Variants in TRABD observed in about 807,000 individuals in gnomAD.
The protein encoded by TRABD is traB domain-containing protein.
TRABD carries 23 observed loss-of-function variants against 39.6 expected under a neutral mutation model. The ratio of observed to expected loss-of-function variants is 0.58; its 90% CI spans 0.42 to 0.82. The LOEUF is 0.82. Among genes scored for constraint, TRABD ranks in the 40% least tolerant of loss-of-function variants. The probability of loss-of-function intolerance (pLI) is 0.00; values close to 1 mark genes in which losing one functional copy is unlikely to be tolerated. For synonymous variants in TRABD, 243 were observed against 232.1 expected, an observed-to-expected ratio of 1.05 and a Z score of -0.43; for missense variants, 487 against 544.9, an observed-to-expected ratio of 0.89 and a Z score of 1.06.
chr22:50,193,812 C>T (rs2063994468), intron 3 of TRABD, among the ~76,000 whole-genome samples, 158 bp downstream of exon 3: 1 of 149,642 alleles, frequency 6.7e-6, no homozygotes, highest in African/African-American at 2.5e-5. Flanking sequence ...TGGTGCCACC[C>T]AACAGCAGCT....
intron 5 of TRABD, 34 bp from the exon 6 acceptor site, chr22:50,197,207 C>T (rs1293132179): frequency 1.3e-6 from 2 of 1,599,762 alleles, no homozygotes; most frequent in Middle Eastern, 1.7e-4. Context: ...CCGCACCCGC[C>T]CCTCCAGCTG....
rs200485949 is a variant in TRABD, at chr22:50,194,345, G to A, written c.118G>A (p.Val40Met). Reference protein sequence around the residue: ...LSGDPQNLSDVDAFNLLLEMK... With the variant: ...LSGDPQNLSDMDAFNLLLEMK... ...GGCCTGTGCTGCTGTTGCAGCCGAC[G>A]TGGACGCCTTCAACCTGCTCCTGGA... Residue 40 changes from valine to methionine, a missense_variant, in exon 4 of 10, where the codon GTG becomes ATG. By Grantham distance (21) the Val-to-Met change is conservative. Around this residue, in one of 3 missense-constraint regions of TRABD, gnomAD observed 358 missense variants for 414.7 expected, o/e 0.86. Transcript: ENST00000380909. 1.6e-5 allele frequency: 25 copies of A among 1,611,566 alleles called. No individual in the cohort carries two copies. Among genetic ancestry groups the A allele is most frequent in the Middle Eastern group, 1.7e-4 (1 of 6,030 alleles).
Position 50,197,451 on chromosome 22 carries a change from C to T in TRABD, c.534C>T (p.Ala178=), listed in dbSNP as rs1253665913. 6.2e-7 allele frequency: 1 copy of T among 1,613,776 alleles called. No individual in the cohort carries two copies. Among genetic ancestry groups the T allele is most frequent in the South Asian group, 1.1e-5 (1 of 91,072 alleles). ...GGEFREAFKE[A]SKVPFCKFHL... The stretch of plus-strand genomic sequence containing the variant: ...CCAACACCCAGCCTCTGCTCCAGGC[C>T]AGCAAGGTGCCTTTCTGCAAGTTCC... The change falls in exon 7 of 10, where the codon GCC becomes GCT. Residue 178 remains alanine, a splice_region_variant and synonymous_variant. Transcript: ENST00000380909.
chr22:50,198,598 C>T lies in TRABD; in HGVS notation c.*79C>T. On this transcript the variant is annotated 3_prime_UTR_variant, in exon 10 of 10. Coordinates refer to ENST00000380909, the MANE Select transcript of TRABD (RefSeq NM_001320485.2). The surrounding 1 kb of genome is among the most constrained non-coding windows in gnomAD (Gnocchi z 7.9). ...TTCTGGGTGCCAGGTGCATCCTAGCCCGCCCGAGGCCCCTGCCACCCCCCA... is the reference window on the plus strand; with the variant it reads ...TTCTGGGTGCCAGGTGCATCCTAGCTCGCCCGAGGCCCCTGCCACCCCCCA... 2 of 1,382,924 alleles carry T rather than the reference C, an allele frequency of 1.4e-6. No homozygotes were observed. Among genetic ancestry groups the T allele is most frequent in the African/African-American group, 1.5e-5 (1 of 67,766 alleles). The allele number at this position is 1,382,924 out of a possible 1,614,324, so 85.7% of individuals were successfully genotyped here.
rs766257487 is a variant in TRABD at position 50,197,535 on chromosome 22, C to T, written c.618C>T (p.Phe206=). 4.3e-6 allele frequency: 7 copies of T among 1,613,594 alleles called. No individual in the cohort carries two copies. The Admixed American group carries it at 1.2e-4, about 27-fold the overall frequency. Residue 206 remains phenylalanine (F), a synonymous_variant, in exon 7 of 10, where the codon TTC becomes TTT. Coordinates refer to ENST00000380909, the MANE Select transcript of TRABD (RefSeq NM_001320485.2). The stretch of plus-strand genomic sequence containing the variant: ...AGAGGGCCATCGCAGCGCTCTCCTT[C>T]TGGCAGAAGGTCAGGCTGGCTTGGG... ...TFKRAIAALS[F]WQKVRLAWGL... is the part of the protein sequence containing the mutation.
Position 50,198,302 on chromosome 22 carries a change from G to A in TRABD, c.957-43G>A, listed in dbSNP as rs368380677. The A allele has an allele frequency of 2.6e-4, 391 of 1,506,298 alleles. 3 individuals carry two copies. The highest frequency in any genetic ancestry group is 2.5e-3 in the South Asian group (205 of 81,364). The allele number at this position is 1,506,298 out of a possible 1,614,324, so 93.3% of individuals were successfully genotyped here. On this transcript the variant is annotated intron_variant, in intron 9 of 9. Transcript: ENST00000380909. This position sits in a 1 kb window ranked among gnomAD's most constrained non-coding sequence, Gnocchi z 7.9. ...CCAGGCATGGGGGCTGGGGTATGGG[G>A]AGCCCACCCCCAGCCAGGCCCAGCG...
intron 3 of TRABD, 21 bp from the exon 4 acceptor site, chr22:50,194,319 C>T (rs754847438): frequency 1.4e-5 from 23 of 1,605,914 alleles, no homozygotes; most frequent in Middle Eastern, 1.7e-4. Flanking sequence ...GGCACCACAA[C>T]GGCCTGTGCT....
Position 50,198,603 on chromosome 22 carries a change from C to T in TRABD, c.*84C>T, listed in dbSNP as rs531982936. ...GGTGCCAGGTGCATCCTAGCCCGCC[C>T]GAGGCCCCTGCCACCCCCCATGGGG... On this transcript the variant is annotated 3_prime_UTR_variant, in exon 10 of 10. Transcript: ENST00000380909. The surrounding 1 kb of genome is among the most constrained non-coding windows in gnomAD (Gnocchi z 7.9). 1.3e-4 allele frequency: 184 copies of T among 1,368,200 alleles called. No homozygotes were observed. The African/African-American group carries it at 2.2e-3, about 16-fold the overall frequency. 84.8% of individuals were successfully genotyped at this position (1,368,200 alleles called of 1,614,324 possible). A position where few individuals can be genotyped will look rare whatever the true frequency, so the allele number is the denominator to read the frequency against.
chr22:50,191,803 G>A (rs946236932), intron 1 of TRABD: 1 of 152,178 alleles, frequency 6.6e-6, no homozygotes, highest in African/African-American at 2.4e-5. Context: ...CCAGGTTGGA[G>A]TGCAGTGACA....
chr22:50,197,764 G>GCGGC, intron 7 of TRABD, 59 bp from the exon 8 acceptor site: 24 of 1,284,764 alleles, frequency 1.9e-5, no homozygotes, highest in African/African-American at 3.0e-5. Context: ...CACAGTGCCA[G>GCGGC]CCCCACCCCC....
chr22:50,196,851 C>T (rs1381821272), intron 5 of TRABD: 1 of 171,104 alleles, frequency 5.8e-6, no homozygotes, highest in African/African-American at 2.4e-5. Context: ...CCCGCCAGCA[C>T]ACCCGGCTAA....
chr22:50,194,302 T>C, intron 3 of TRABD, 38 bp from the exon 4 acceptor site: 1 of 1,594,842 alleles, frequency 6.3e-7, no homozygotes, highest in Non-Finnish European at 8.5e-7. Context: ...GTCCTTGGGG[T>C]GGGCCCGGCA....
intron 1 of TRABD, among the ~76,000 whole-genome samples, chr22:50,189,207 G>A (rs780615709): frequency 3.1e-4 from 47 of 152,180 alleles, no homozygotes; most frequent in Non-Finnish European, 5.4e-4. Context: ...AATGTGGCTT[G>A]TGCTTGCAGC....
intron 7 of TRABD, 109 bp downstream of exon 7, chr22:50,197,697 G>T: frequency 1.3e-6 from 2 of 1,570,398 alleles, no homozygotes; most frequent in Non-Finnish European, 1.7e-6. Context: ...GGCCTTCCCT[G>T]CCCTTTCCTT....
At chr22:50,193,533 G>A (rs1261079143) in intron 2 of TRABD, 43 bp from the exon 3 acceptor site, 1 of 1,591,932 alleles carries the variant, frequency 6.3e-7, no homozygotes, top group East Asian at 2.2e-5. Context: ...CTGGCTTTCT[G>A]GGGTGCATGG....
intron 5 of TRABD, 49 bp from the exon 6 acceptor site, chr22:50,197,192 C>T (rs1213765943): frequency 1.3e-6 from 2 of 1,562,508 alleles, no homozygotes; most frequent in Non-Finnish European, 8.8e-7. Flanking sequence ...TCCCCCAGCG[C>T]ACCCCCGCAC....
chr22:50,198,579 G>A lies in TRABD; in HGVS notation c.*60G>A. 2.1e-6 allele frequency: 3 copies of A among 1,438,068 alleles called. No individual in the cohort carries two copies. Among genetic ancestry groups the A allele is most frequent in the East Asian group, 2.5e-5 (1 of 39,460 alleles). The allele number at this position is 1,438,068 out of a possible 1,614,324, so 89.1% of individuals were successfully genotyped here. On this transcript the variant is annotated 3_prime_UTR_variant, in exon 10 of 10. Coordinates refer to ENST00000380909, the MANE Select transcript of TRABD (RefSeq NM_001320485.2). The surrounding 1 kb of genome is among the most constrained non-coding windows in gnomAD (Gnocchi z 7.9). Reference sequence around the variant, plus strand: ...GCCAGTGCCCCCGCGGCACTTCTGGGTGCCAGGTGCATCCTAGCCCGCCCG... The same window carrying A: ...GCCAGTGCCCCCGCGGCACTTCTGGATGCCAGGTGCATCCTAGCCCGCCCG...
At position 50,198,371 on chromosome 22, in the gene TRABD, G is replaced by T; in HGVS notation, c.983G>T (p.Arg328Ile). ...MTVPPPSVSG[R>I]VSRLAVKAAF... The stretch of plus-strand genomic sequence containing the variant: ...GTGCCCCCGCCGTCCGTCTCCGGCA[G>T]AGTGTCTCGGTTGGCCGTGAAGGCC... Residue 328 changes from arginine (R) to isoleucine (I), a missense_variant, in exon 10 of 10, where the codon AGA (arginine) becomes ATA (isoleucine). By Grantham distance (97) the Arg-to-Ile change is moderately conservative. Around this residue, in one of 3 missense-constraint regions of TRABD, gnomAD observed 123 missense variants for 108.3 expected, o/e 1.14. Coordinates refer to ENST00000380909, the MANE Select transcript of TRABD (RefSeq NM_001320485.2). The surrounding 1 kb of genome is among the most constrained non-coding windows in gnomAD (Gnocchi z 7.9). 1.9e-6 allele frequency: 3 copies of T among 1,587,064 alleles called. No individual in the cohort carries two copies. The highest frequency in any genetic ancestry group is 2.2e-5 in the South Asian group (2 of 89,332).
chr22:50,190,652 A>G, intron 1 of TRABD: 1 of 152,590 alleles, frequency 6.6e-6, no homozygotes, highest in Non-Finnish European at 1.5e-5. Context: ...TCCGTGTGTG[A>G]GTTTCCCCCG....
Sources: gnomAD v4.1 joint callset for allele counts (sites outside exome capture counted in the v4.1 genomes callset) on GRCh38, gnomAD v4.1.1 for gene constraint, gnomAD v4.1.1 regional missense constraint, Gnocchi (gnomAD v3.1) non-coding constraint, MANE v1.5 for transcripts, NCBI Gene and HGNC (gene_info 2026-07-23, HGNC 2026-07-21) for gene names.